The following KPNA7 variants were observed in gnomAD, a reference collection of about 807,000 sequenced individuals.
KPNA7 encodes importin subunit alpha-8.
A neutral mutation model predicts 53.7 loss-of-function variants in KPNA7; 54 were observed. The observed-to-expected ratio is 1.01, with a 90% CI of 0.81 to 1.26. The LOEUF is 1.26. Ranked by LOEUF, KPNA7 falls within the 50% of genes most tolerant of loss-of-function variation. The probability of loss-of-function intolerance (pLI) is 0.00; values close to 1 mark genes in which losing one functional copy is unlikely to be tolerated. For missense variants in KPNA7, 640 were observed against 644.5 expected (o/e 0.99, Z 0.07); for synonymous variants, 276 against 259.3 (o/e 1.06, Z -0.62).
intron 7 of KPNA7, among the ~76,000 whole-genome samples, chr7:99,187,562 T>TTC (rs1386107722): frequency 7.2e-6 from 1 of 138,722 alleles, no homozygotes; most frequent in East Asian, 2.0e-4. Flanking sequence ...CTAATTTTTT[T>TTC]TTTTTTTTTT....
chr7:99,148,547 C>A, the KPNA7 span, among the ~76,000 whole-genome samples: 2 of 152,044 alleles, frequency 1.3e-5, no homozygotes, highest in Non-Finnish European at 2.9e-5. Context: ...CACCTGAAAC[C>A]AATTTATGAA....
At chr7:99,150,405 T>A in the KPNA7 span, among the ~76,000 whole-genome samples, 1 of 136,386 alleles carries the variant, frequency 7.3e-6, no homozygotes, top group African/African-American at 2.7e-5. Context: ...AACTGGAAAC[T>A]TCATGAATCA....
At position 99,197,291 on chromosome 7, in the gene KPNA7, C is replaced by CA. The variant is rs559529626; in HGVS notation, c.202-1126dup. On this transcript the variant is annotated intron_variant, in intron 3 of 10. Transcript: ENST00000327442. ...CAGACACTGCAGCAGCCACACATCA[C>CA]AAAAAAATACAGATTTTAGATAATT... Among the ~76,000 whole-genome samples, 11 of 152,216 alleles carry CA rather than the reference C, an allele frequency of 7.2e-5. No homozygotes were observed. In the South Asian group the frequency reaches 1.9e-3, roughly 26 times the overall value.
chr7:99,199,461 T>C (rs1360171398), intron 3 of KPNA7, among the ~76,000 whole-genome samples: 1 of 152,174 alleles, frequency 6.6e-6, no homozygotes, highest in Non-Finnish European at 1.5e-5. Context: ...GTCAATTGAT[T>C]TTTTTGACAA....
chr7:99,177,858 C>A, intron 10 of KPNA7, 62 bp downstream of exon 10: 1 of 1,495,568 alleles, frequency 6.7e-7, no homozygotes, highest in Non-Finnish European at 9.0e-7. Context: ...GGCAGGGTGA[C>A]CCTCTGCAGA....
At chr7:99,170,186 G>A (rs1798746773), downstream of KPNA7, among the ~76,000 whole-genome samples, 1 of 152,144 alleles carries the variant, frequency 6.6e-6, no homozygotes, top group Admixed American at 6.6e-5. Context: ...AAGGACATCA[G>A]ACATCTGATG....
At chr7:99,161,263 CTCT>C in the KPNA7 span, among the ~76,000 whole-genome samples, 1 of 84,996 alleles carries the variant, frequency 1.2e-5, no homozygotes, top group African/African-American at 4.2e-5. Flanking sequence ...CTCTCTCTCT[CTCT>C]CTCTGATCAC....
rs753770309 is a variant in KPNA7, at chr7:99,193,081, CT to C, written c.573del (p.Asp192IlefsTer13). The C allele has an allele frequency of 6.7e-7, 1 of 1,502,402 alleles. No individual in the cohort carries two copies. The highest frequency in any genetic ancestry group is 1.4e-5 in the South Asian group (1 of 73,940). 93.1% of individuals were successfully genotyped at this position (1,502,402 alleles called of 1,614,324 possible). On this transcript the variant is annotated frameshift_variant, in exon 6 of 11. Coordinates refer to ENST00000327442, the MANE Select transcript of KPNA7 (RefSeq NM_001145715.3). LOFTEE classifies it high-confidence loss of function. ...ATGGCATTGCTTGTGATGACGTTATCTCTGAACTCTGGGCCATCACCTACAA... is the reference window on the plus strand; with the variant it reads ...ATGGCATTGCTTGTGATGACGTTATCCTGAACTCTGGGCCATCACCTACAA... ...GNIAGDGPEF[R>X]DNVITSNAIP...
rs149785566 is a variant in KPNA7, at chr7:99,207,989, C to T, written c.-24+39G>A. Among the ~76,000 whole-genome samples the T allele has an allele frequency of 4.4e-4, 67 of 151,940 alleles. No individual in the cohort carries two copies. The East Asian group carries it at 0.013, about 30-fold the overall frequency. On this transcript the variant is annotated intron_variant, in intron 1 of 10. Coordinates refer to ENST00000327442, the MANE Select transcript of KPNA7 (RefSeq NM_001145715.3). Reference sequence around the variant, plus strand: ...CTGAGTGAGAGTTAGAACCCATATACACAGCACAGACTCCCCGTCCCCAAC... The same window carrying T: ...CTGAGTGAGAGTTAGAACCCATATATACAGCACAGACTCCCCGTCCCCAAC...
In KPNA7 at chr7:99,195,356, G is replaced by A. The variant is rs1790174766; in HGVS notation, c.285-18C>T. ...GCATTTTCCTATGCAATGAAAGAGA[G>A]GGCAGGGGAGGGGGAGGTCAAGTGA... On this transcript the variant is annotated intron_variant, in intron 4 of 10. Transcript: ENST00000327442. 12 of 1,548,108 alleles carry A rather than the reference G, an allele frequency of 7.8e-6. No homozygotes were observed. The highest frequency in any genetic ancestry group is 1.0e-5 in the Non-Finnish European group (12 of 1,144,330).
At chr7:99,178,950 G>A (rs1799039311) in intron 9 of KPNA7, among the ~76,000 whole-genome samples, 1 of 151,804 alleles carries the variant, frequency 6.6e-6, no homozygotes, top group Admixed American at 6.6e-5. Flanking sequence ...AGGCTTTTTT[G>A]TATTTTTGTA....
upstream of KPNA7, among the ~76,000 whole-genome samples, chr7:99,212,027 G>T (rs140186105): frequency 1.5e-3 from 228 of 152,192 alleles, no homozygotes; most frequent in African/African-American, 5.1e-3. Flanking sequence ...TCCTTTGGTT[G>T]CTGCCCAGGG....
intron 5 of KPNA7, 32 bp from the exon 6 acceptor site, chr7:99,193,133 A>C: frequency 1.5e-6 from 2 of 1,335,420 alleles, no homozygotes; most frequent in Non-Finnish European, 2.0e-6. Context: ...ACATTTAGAG[A>C]GAGAACAAAG....
At position 99,182,043 on chromosome 7, in the gene KPNA7, T is replaced by C; in HGVS notation, c.1157A>G (p.Glu386Gly). The part of the protein sequence containing the change: ...LKNGEFKVQK[E>G]AVWMVANFAT... ...AAAGTTCGCCACCATCCAGACAGCC[T>C]CTTTCTGGACTTTAAATTCTCCCTG... is the stretch of plus-strand genomic sequence containing the variant. The change falls in exon 9 of 11, where the codon GAG becomes GGG. Residue 386 changes from glutamate (E) to glycine (G), a missense_variant. Coordinates refer to ENST00000327442, the MANE Select transcript of KPNA7 (RefSeq NM_001145715.3). The C allele has an allele frequency of 1.3e-6, 2 of 1,541,124 alleles. No homozygotes were observed. Among genetic ancestry groups the C allele is most frequent in the South Asian group, 2.4e-5 (2 of 83,478 alleles).
In KPNA7 at chr7:99,185,033, C is replaced by G. The variant is rs587777539; in HGVS notation, c.1030G>C (p.Glu344Gln). The G allele has an allele frequency of 5.2e-6, 8 of 1,551,772 alleles. No homozygotes were observed. The Admixed American group carries it at 7.8e-5, about 15-fold the overall frequency. Residue 344 changes from glutamate (E) to glutamine (Q), a missense_variant, in exon 8 of 11, where the codon GAG (glutamate) becomes CAG (glutamine). By Grantham distance (29) the Glu-to-Gln change is conservative. Coordinates refer to ENST00000327442, the MANE Select transcript of KPNA7 (RefSeq NM_001145715.3). ...ACGTTGCTCAGGGCCCAGGCTGCCT[C>G]CTTCTGGATGGAGGGCTTGTTGTGT... ...LQHNKPSIQKEAAWALSNVAA... is the reference protein window; with the variant it reads ...LQHNKPSIQKQAAWALSNVAA...
At chr7:99,189,658 G>A (rs1194377489) in intron 6 of KPNA7, among the ~76,000 whole-genome samples, 1 of 152,098 alleles carries the variant, frequency 6.6e-6, no homozygotes. Flanking sequence ...GTCTCACTCT[G>A]TTGCCCAGGC....
At chr7:99,179,690 T>G (rs1260141934) in intron 9 of KPNA7, among the ~76,000 whole-genome samples, 2 of 152,006 alleles carry the variant, frequency 1.3e-5, no homozygotes, top group Non-Finnish European at 2.9e-5. Flanking sequence ...GTTCAAGTGA[T>G]TCTCATGCCT....
chr7:99,151,618 A>T, the KPNA7 span, among the ~76,000 whole-genome samples: 1 of 145,064 alleles, frequency 6.9e-6, no homozygotes, highest in African/African-American at 2.7e-5. Context: ...CTGGCTAATT[A>T]AAAAAAAAAA....
upstream of KPNA7, among the ~76,000 whole-genome samples, chr7:99,212,222 C>T (rs1791092372): frequency 6.8e-6 from 1 of 146,440 alleles, no homozygotes; most frequent in Admixed American, 7.0e-5. Flanking sequence ...GGTGTCCGAT[C>T]CACATGTGTC....
Sources: gnomAD v4.1 joint callset for allele counts (sites outside exome capture counted in the v4.1 genomes callset) on GRCh38, gnomAD v4.1.1 for gene constraint, MANE v1.5 for transcripts, NCBI Gene and HGNC (gene_info 2026-07-23, HGNC 2026-07-21) for gene names.